Variants in ARHGEF11 observed in about 807,000 individuals in gnomAD.
The protein encoded by ARHGEF11 is Rho guanine nucleotide exchange factor 11.
Under a neutral mutation model 193.7 loss-of-function variants are expected in ARHGEF11, and 55 were observed. The observed-to-expected ratio is 0.28, with a 90% confidence interval of 0.23 to 0.36. The LOEUF is 0.36. Ranked by LOEUF, ARHGEF11 falls within the 10% of genes least tolerant of loss-of-function variation. The pLI, the probability that ARHGEF11 is intolerant of heterozygous loss-of-function variation, is 1.00. For synonymous variants in ARHGEF11, 693 were observed against 768.0 expected (o/e 0.90, Z 1.62); for missense variants, 1,723 against 2,005.6 (o/e 0.86, Z 2.69).
At chr1:156,943,676 C>T (rs1337492456) in intron 32 of ARHGEF11, among the ~76,000 whole-genome samples, 3 of 152,194 alleles carry the variant, frequency 2.0e-5, no homozygotes, top group Non-Finnish European at 4.4e-5. Flanking sequence ...TGGGTGTGCA[C>T]ATCCCATCCA....
chr1:157,044,046 G>A (rs954905964), intron 1 of ARHGEF11, among the ~76,000 whole-genome samples: 3 of 152,048 alleles, frequency 2.0e-5, no homozygotes, highest in Admixed American at 6.6e-5. Flanking sequence ...AAAAGCCACT[G>A]GAAGCACATC....
At chr1:156,975,565 C>T (rs961991002) in intron 7 of ARHGEF11, among the ~76,000 whole-genome samples, 2 of 152,040 alleles carry the variant, frequency 1.3e-5, no homozygotes, top group Non-Finnish European at 2.9e-5. Flanking sequence ...TGATGAAATC[C>T]AACTATTTTT....
At chr1:156,941,275 C>G in intron 35 of ARHGEF11, 97 bp downstream of exon 35, 1 of 1,128,904 alleles carries the variant, frequency 8.9e-7, no homozygotes. Context: ...CACCCCGGGC[C>G]CTGATGGACT....
rs1255643602 is a variant in ARHGEF11, at chr1:156,934,938, T to C, written c.*1062A>G. Reference sequence around the variant, plus strand: ...CTTAACAGCAGAACAGTCATTTCCATATCTATATTTTATATATTATATATA... The same window carrying C: ...CTTAACAGCAGAACAGTCATTTCCACATCTATATTTTATATATTATATATA... On this transcript the variant is annotated 3_prime_UTR_variant, in exon 41 of 41. Coordinates refer to ENST00000368194, the MANE Select transcript of ARHGEF11 (RefSeq NM_198236.3). The C allele has an allele frequency of 1.3e-5, 2 of 148,524 alleles. No homozygotes were observed. The highest frequency in any genetic ancestry group is 2.4e-5 in the African/African-American group (1 of 40,840). The allele number at this position is 148,524 out of a possible 1,614,324, so 9.2% of individuals were successfully genotyped here.
At chr1:157,039,508 T>C (rs116071001) in intron 1 of ARHGEF11, among the ~76,000 whole-genome samples, 1,942 of 152,262 alleles carry the variant, frequency 0.013, 38 homozygotes, top group African/African-American at 0.044. Flanking sequence ...GAAGTTATAC[T>C]TTTTTCTTTT....
intron 1 of ARHGEF11, among the ~76,000 whole-genome samples, chr1:156,997,198 A>G (rs552675822): frequency 6.6e-6 from 1 of 152,232 alleles, no homozygotes; most frequent in Non-Finnish European, 1.5e-5. Context: ...TCTGAGCCTT[A>G]TAATTCACCT....
chr1:156,999,288 G>A lies in ARHGEF11; in HGVS notation c.33-13115C>T, dbSNP rs566477370. Among the ~76,000 whole-genome samples the A allele has an allele frequency of 3.3e-5, 5 of 152,242 alleles. No individual in the cohort carries two copies. In the South Asian group the frequency reaches 1.0e-3, roughly 32 times the overall value. ...AGCTAAGTTACATAAGTCGCCCCAG[G>A]CCATACAGCTATTAAATAGTAGAGC... On this transcript the variant is annotated intron_variant, in intron 1 of 40. Coordinates refer to ENST00000368194, the MANE Select transcript of ARHGEF11 (RefSeq NM_198236.3).
At position 156,948,693 on chromosome 1, in the gene ARHGEF11, C is replaced by T; in HGVS notation, c.1926-195G>A. On this transcript the variant is annotated intron_variant, in intron 22 of 40. Coordinates refer to ENST00000368194, the MANE Select transcript of ARHGEF11 (RefSeq NM_198236.3). This position sits in a 1 kb window ranked among gnomAD's most constrained non-coding sequence, Gnocchi z 4.2. ...ACTATTTTTGCTGCTCTACAAACTC[C>T]TCCTCTCTCCCCAGCCTAGCCTGAT... is the stretch of plus-strand genomic sequence containing the variant. 3 of 1,527,506 alleles carry T rather than the reference C, an allele frequency of 2.0e-6. No individual in the cohort carries two copies. Among genetic ancestry groups the T allele is most frequent in the Admixed American group, 3.9e-5 (2 of 50,734 alleles). 94.6% of individuals were successfully genotyped at this position (1,527,506 alleles called of 1,614,324 possible).
In ARHGEF11 at chr1:157,020,652, A is replaced by G. The variant is rs139056266; in HGVS notation, c.32+23647T>C. Among the ~76,000 whole-genome samples the G allele has an allele frequency of 1.6e-4, 24 of 152,392 alleles. No individual in the cohort carries two copies. The East Asian group carries it at 4.2e-3, about 27-fold the overall frequency. On this transcript the variant is annotated intron_variant, in intron 1 of 40. Coordinates refer to ENST00000368194, the MANE Select transcript of ARHGEF11 (RefSeq NM_198236.3). ...GAGAAGCAACACAAATAATCAGCAA[A>G]GACAGATAATTTTTACAAAGCACAC... is the stretch of plus-strand genomic sequence containing the variant.
At chr1:156,979,111 G>A in intron 5 of ARHGEF11, 118 bp downstream of exon 5, 1 of 893,606 alleles carries the variant, frequency 1.1e-6, no homozygotes. Context: ...GACTTTAGCT[G>A]CCTCACATAT....
intron 32 of ARHGEF11, 82 bp downstream of exon 32, chr1:156,943,853 T>C (rs1657582612): frequency 1.5e-5 from 22 of 1,510,100 alleles, no homozygotes; most frequent in Non-Finnish European, 2.0e-5. Context: ...CTGTAAAGGC[T>C]CCAGACTGGC....
At chr1:156,940,154 C>A in intron 36 of ARHGEF11, 53 bp downstream of exon 36, 1 of 1,516,566 alleles carries the variant, frequency 6.6e-7, no homozygotes, top group Non-Finnish European at 8.9e-7. Context: ...CCAGTTCACA[C>A]TGGGTGTGCG....
chr1:156,978,433 C>G (rs2102392184), intron 5 of ARHGEF11, 51 bp from the exon 6 acceptor site: 1 of 1,530,500 alleles, frequency 6.5e-7, no homozygotes, highest in Admixed American at 2.1e-5. Flanking sequence ...TCTGGAGAGA[C>G]AGTCCAGCTA....
chr1:156,942,080 A>G, intron 33 of ARHGEF11, 91 bp from the exon 34 acceptor site: 1 of 1,592,370 alleles, frequency 6.3e-7, no homozygotes, highest in Admixed American at 1.7e-5. Flanking sequence ...CAGGGCTTCC[A>G]GGCCCTAAGA....
intron 39 of ARHGEF11, 107 bp from the exon 40 acceptor site, chr1:156,937,112 G>A: frequency 1.3e-6 from 2 of 1,564,756 alleles, no homozygotes; most frequent in Non-Finnish European, 1.7e-6. Context: ...TTTAAGGGTG[G>A]CTGGGCGGGC....
At chr1:156,940,176 G>A (rs771062259) in intron 36 of ARHGEF11, 31 bp downstream of exon 36, 46 of 1,539,884 alleles carry the variant, frequency 3.0e-5, no homozygotes, top group Non-Finnish European at 3.9e-5. Context: ...CTGGGGACCA[G>A]GGGCTGACGG....
intron 1 of ARHGEF11, among the ~76,000 whole-genome samples, chr1:157,018,951 C>T (rs573227995): frequency 6.6e-6 from 1 of 152,060 alleles, no homozygotes; most frequent in African/African-American, 2.4e-5. Context: ...TTAACCTCAA[C>T]TCTTCTCTCA....
At chr1:156,961,638 A>C (rs778447550) in intron 14 of ARHGEF11, 39 bp downstream of exon 14, 2 of 1,582,072 alleles carry the variant, frequency 1.3e-6, no homozygotes, top group East Asian at 4.5e-5. Flanking sequence ...TAGTTCAAAG[A>C]ATATGATAAA....
chr1:156,963,322 G>A lies in ARHGEF11; in HGVS notation c.1039-18C>T, dbSNP rs1291735034. On this transcript the variant is annotated intron_variant, in intron 12 of 40. Transcript: ENST00000368194. ...ATGTCGCTCTGGAAGGCAGAAGGAT[G>A]AGCATGGTGGGAAGCCGGGCACAGC... 1 of 1,607,776 alleles carries A rather than the reference G, an allele frequency of 6.2e-7. No individual in the cohort carries two copies.
Sources: gnomAD v4.1 joint callset for allele counts (sites outside exome capture counted in the v4.1 genomes callset) on GRCh38, gnomAD v4.1.1 for gene constraint, Gnocchi (gnomAD v3.1) non-coding constraint, MANE v1.5 for transcripts, NCBI Gene and HGNC (gene_info 2026-07-23, HGNC 2026-07-21) for gene names.